RNF213: variants seen among roughly 807,000 people sequenced by gnomAD.
RNF213 encodes ring finger protein 213.
Under a neutral mutation model 514.4 loss-of-function variants are expected in RNF213, and 341 were observed. That is an observed-to-expected ratio of 0.66 (90% CI 0.61 to 0.73). The LOEUF (loss-of-function observed/expected upper bound fraction) is 0.73, where lower values mean the gene tolerates loss of function less well. Among genes scored for constraint, RNF213 ranks in the 30% least tolerant of loss-of-function variants. The pLI is 0.00. For missense variants in RNF213, 5,767 were observed against 6,615.6 expected, an observed-to-expected ratio of 0.87 and a Z score of 4.45; for synonymous variants, 2,655 against 2,658.2, an observed-to-expected ratio of 1.00 and a Z score of 0.04.
intron 3 of RNF213, among the ~76,000 whole-genome samples, chr17:80,275,787 G>A (rs78554433): frequency 0.051 from 7,694 of 151,792 alleles, 291 homozygotes; most frequent in East Asian, 0.2. Flanking sequence ...TTCAGCCTCC[G>A]GAGTAGCTGG....
rs555524530 is a variant in RNF213 at position 80,268,740 on chromosome 17, A to G, written c.98-4501A>G. Among the ~76,000 whole-genome samples the G allele has an allele frequency of 2.0e-5, 3 of 152,186 alleles. No individual in the cohort carries two copies. The East Asian group carries it at 5.8e-4, about 29-fold the overall frequency. Reference sequence around the variant, plus strand: ...TCTTATCTATCTATCCTATCTATCCATCTATCTATAAGTCTGTATTAGGGT... The same window carrying G: ...TCTTATCTATCTATCCTATCTATCCGTCTATCTATAAGTCTGTATTAGGGT... On this transcript the variant is annotated intron_variant, in intron 2 of 67. Transcript: ENST00000582970.
At chr17:80,351,371 G>A (rs1004090104) in intron 31 of RNF213, among the ~76,000 whole-genome samples, 4 of 152,214 alleles carry the variant, frequency 2.6e-5, no homozygotes, top group Non-Finnish European at 4.4e-5. Flanking sequence ...TAGCTGCACC[G>A]GGGCAGGCCC....
At chr17:80,282,708 A>G (rs1199470510) in intron 3 of RNF213, among the ~76,000 whole-genome samples, 1 of 144,278 alleles carries the variant, frequency 6.9e-6, no homozygotes, top group African/African-American at 2.6e-5. Context: ...TATTATTACT[A>G]TTTTTCAAGG....
chr17:80,359,548 A>G (rs1420686995), intron 37 of RNF213, among the ~76,000 whole-genome samples: 1 of 149,240 alleles, frequency 6.7e-6, no homozygotes, highest in Non-Finnish European at 1.5e-5. Context: ...AAAAAAAAAA[A>G]AAAAGAGTGA....
Position 80,346,263 on chromosome 17 carries a change from G to C in RNF213, c.7928G>C (p.Arg2643Pro). The change falls in exon 29 of 68, where the codon CGC (arginine) becomes CCC (proline). Residue 2643 changes from arginine to proline, a missense_variant. Transcript: ENST00000582970. This position sits in a 1 kb window ranked among gnomAD's most constrained non-coding sequence, Gnocchi z 8.1. The stretch of plus-strand genomic sequence containing the variant: ...TTTGTCAGCCTCAGGGACGTGGAGC[G>C]CTGTGTGAAAGTTTTCAGGTGGTTC... ...CSFVSLRDVE[R>P]CVKVFRWFHE... The C allele has an allele frequency of 6.2e-7, 1 of 1,614,140 alleles. No homozygotes were observed. The highest frequency in any genetic ancestry group is 8.5e-7 in the Non-Finnish European group (1 of 1,180,026).
At chr17:80,363,828 C>T (rs11653009) in intron 41 of RNF213, 38 bp downstream of exon 41, 70 of 1,593,380 alleles carry the variant, frequency 4.4e-5, no homozygotes, top group Non-Finnish European at 5.3e-5. Flanking sequence ...CTTCATCTGG[C>T]GCGCGCTCAC....
At position 80,396,628 on chromosome 17, in the gene RNF213, T is replaced by C. The variant is rs529895719; in HGVS notation, c.*3130T>C. ...AGCCATGATTAGCATTTATATTGCATTCTGCATTATTCTCATCCTATCACG... is the reference window on the plus strand; with the variant it reads ...AGCCATGATTAGCATTTATATTGCACTCTGCATTATTCTCATCCTATCACG... On this transcript the variant is annotated 3_prime_UTR_variant, in exon 68 of 68. Coordinates refer to ENST00000582970, the MANE Select transcript of RNF213 (RefSeq NM_001256071.3). 1 of 152,174 alleles carries C rather than the reference T, an allele frequency of 6.6e-6. No homozygotes were observed. The highest frequency in any genetic ancestry group is 2.1e-4 in the South Asian group (1 of 4,826). 9.4% of individuals were successfully genotyped at this position (152,174 alleles called of 1,614,324 possible).
chr17:80,379,767 C>A, intron 55 of RNF213, 53 bp downstream of exon 55: 1 of 1,448,924 alleles, frequency 6.9e-7, no homozygotes, highest in Non-Finnish European at 9.7e-7. Context: ...GGGTGTTGGG[C>A]TGTTTTTATT....
At chr17:80,337,464 C>G in intron 23 of RNF213, 122 bp from the exon 24 acceptor site, 10 of 1,334,712 alleles carry the variant, frequency 7.5e-6, no homozygotes, top group Non-Finnish European at 1.0e-5. Flanking sequence ...CGTCCTGAGC[C>G]CTGGGGAAGC....
intron 37 of RNF213, 132 bp downstream of exon 37, chr17:80,358,611 A>C: frequency 1.3e-6 from 1 of 798,200 alleles, no homozygotes; most frequent in Non-Finnish European, 2.1e-6. Context: ...TGCTTTCTGC[A>C]GTAACAATAG....
chr17:80,353,480 T>A lies in RNF213; in HGVS notation c.10424-32T>A, dbSNP rs377403761. ...GCCAGTCCCTGTGCCACCTTCTGAG[T>A]GGTAACGCAATCACGTTTGCTTCGA... is the stretch of plus-strand genomic sequence containing the variant. On this transcript the variant is annotated intron_variant, in intron 33 of 67. Transcript: ENST00000582970. This position sits in a 1 kb window ranked among gnomAD's most constrained non-coding sequence, Gnocchi z 5.0. 3.1e-5 allele frequency: 49 copies of A among 1,584,810 alleles called. 1 individual carries two copies. In the African/African-American group the frequency reaches 5.4e-4, roughly 17 times the overall value.
chr17:80,289,807 AG>A lies in RNF213; in HGVS notation c.1084del (p.Glu362LysfsTer7). On this transcript the variant is annotated frameshift_variant, in exon 6 of 68. Coordinates refer to ENST00000582970, the MANE Select transcript of RNF213 (RefSeq NM_001256071.3). LOFTEE classifies it high-confidence loss of function. ...AVKNEKEQKN[Q>X]EADVQEVKAS... ...AAAAACGAGAAGGAGCAAAAAAACC[AG>A]GAAGCAGATGTCCAGGAAGTGAAGG... is the stretch of plus-strand genomic sequence containing the variant. 1 of 1,612,562 alleles carries A rather than the reference AG, an allele frequency of 6.2e-7. No individual in the cohort carries two copies. The highest frequency in any genetic ancestry group is 8.5e-7 in the Non-Finnish European group (1 of 1,179,522).
chr17:80,324,574 G>A (rs1244690015), intron 17 of RNF213, among the ~76,000 whole-genome samples: 5 of 150,826 alleles, frequency 3.3e-5, no homozygotes, highest in Non-Finnish European at 7.4e-5. Context: ...GAACCTAAAG[G>A]AAGAAAAATA....
intron 42 of RNF213, among the ~76,000 whole-genome samples, chr17:80,365,581 G>A (rs1045986683): frequency 7.3e-5 from 11 of 150,060 alleles, no homozygotes; most frequent in Admixed American, 1.3e-4. Flanking sequence ...ACACCAGCTC[G>A]TGTCTCGTGG....
rs147981155 is a variant in RNF213, at chr17:80,363,148, C to T, written c.11402C>T (p.Ala3801Val). The T allele has an allele frequency of 2.0e-5, 33 of 1,614,204 alleles. No homozygotes were observed. The African/African-American group carries it at 3.2e-4, about 16-fold the overall frequency. ...LWSCTRKLKA[A>V]SEAPEEEVSL... ...TCCTGCACTAGGAAACTGAAAGCGGCGTCAGAAGCGCCCGAGGAAGAGGTT... is the reference window on the plus strand; with the variant it reads ...TCCTGCACTAGGAAACTGAAAGCGGTGTCAGAAGCGCCCGAGGAAGAGGTT... The change falls in exon 40 of 68, where the codon GCG becomes GTG. Residue 3801 changes from alanine to valine, a missense_variant. Around this residue, in one of 13 missense-constraint regions of RNF213, gnomAD observed 355 missense variants for 358.0 expected, o/e 0.99. Coordinates refer to ENST00000582970, the MANE Select transcript of RNF213 (RefSeq NM_001256071.3).
chr17:80,316,875 C>T (rs145888769), intron 15 of RNF213, among the ~76,000 whole-genome samples: 2 of 152,322 alleles, frequency 1.3e-5, no homozygotes, highest in African/African-American at 4.8e-5. Flanking sequence ...GCTATTCTTG[C>T]GACCTTTTTG....
rs141509387 is a variant in RNF213 at position 80,283,968 on chromosome 17, A to G, written c.262-3847A>G. On this transcript the variant is annotated intron_variant, in intron 3 of 67. Transcript: ENST00000582970. ...GCCAGGCACAGTGGCTCACACCTGT[A>G]ATCACAGCACTTTGGGAGGCCGAGG... Among the ~76,000 whole-genome samples the G allele has an allele frequency of 3.6e-3, 553 of 152,342 alleles. 4 individuals carry two copies. Among genetic ancestry groups the G allele is most frequent in the African/African-American group, 0.013 (533 of 41,582 alleles).
chr17:80,385,280 C>T (rs2080187756), intron 60 of RNF213, 109 bp downstream of exon 60: 1 of 1,337,248 alleles, frequency 7.5e-7, no homozygotes, highest in Non-Finnish European at 1.1e-6. Flanking sequence ...CTGATGGGTG[C>T]TCTATAGCCT....
At chr17:80,331,304 C>G (rs2046408430) in intron 20 of RNF213, among the ~76,000 whole-genome samples, 1 of 152,170 alleles carries the variant, frequency 6.6e-6, no homozygotes, top group African/African-American at 2.4e-5. Context: ...TGTCATTTAC[C>G]ACTGGTTCAG....
Sources: allele counts gnomAD v4.1 joint callset (sites outside exome capture counted in the v4.1 genomes callset), GRCh38; gene constraint gnomAD v4.1.1; regional missense constraint gnomAD v4.1.1; non-coding constraint Gnocchi (gnomAD v3.1); transcripts MANE v1.5; gene names NCBI Gene and HGNC (gene_info 2026-07-23, HGNC 2026-07-21).